The following HELZ variants were observed in gnomAD, a reference collection of about 807,000 sequenced individuals.
HELZ encodes helicase with zinc finger.
A neutral mutation model predicts 218.2 loss-of-function variants in HELZ; 23 were observed. The ratio of observed to expected loss-of-function variants is 0.11; its 90% CI spans 0.08 to 0.15. The LOEUF is 0.15. Among genes scored for constraint, HELZ ranks in the 10% least tolerant of loss-of-function variants. HELZ has a pLI of 1.00. For synonymous variants in HELZ, 814 were observed against 829.4 expected (o/e 0.98, Z 0.32); for missense variants, 1,813 against 2,353.7 (o/e 0.77, Z 4.75).
chr17:67,143,896 T>C (rs2038412846), intron 21 of HELZ, among the ~76,000 whole-genome samples: 1 of 152,224 alleles, frequency 6.6e-6, no homozygotes, highest in Non-Finnish European at 1.5e-5. Flanking sequence ...TTCCTTCAAC[T>C]TGAGGTTCTT....
upstream of HELZ, chr17:67,245,347 C>T: frequency 8.6e-6 from 6 of 699,254 alleles, no homozygotes; most frequent in Non-Finnish European, 1.1e-5. Context: ...GCAGCTGGCC[C>T]CTTCCCCTCC....
chr17:67,215,434 C>T (rs989270423), intron 5 of HELZ, among the ~76,000 whole-genome samples: 3 of 151,746 alleles, frequency 2.0e-5, no homozygotes, highest in Admixed American at 6.6e-5. Context: ...CTGCAACCTC[C>T]GCCTCCCGGG....
At chr17:67,209,030 A>AGAAAG (rs2040382279) in intron 5 of HELZ, among the ~76,000 whole-genome samples, 1 of 91,680 alleles carries the variant, frequency 1.1e-5, no homozygotes, top group African/African-American at 4.8e-5. Flanking sequence ...GAAGGAAGGG[A>AGAAAG]GGAAGGGAGG....
At chr17:67,161,221 C>A in intron 15 of HELZ, 145 bp from the exon 16 acceptor site, 2 of 587,680 alleles carry the variant, frequency 3.4e-6, no homozygotes, top group Non-Finnish European at 5.7e-6. Context: ...TCTAAAGCTA[C>A]TTTTTATAAA....
chr17:67,190,499 A>G, intron 9 of HELZ, 144 bp from the exon 10 acceptor site: 1 of 629,846 alleles, frequency 1.6e-6, no homozygotes, highest in Non-Finnish European at 2.8e-6. Context: ...TCTTGTACAA[A>G]GGAGGGAGAA....
chr17:67,144,655 G>A (rs2038438826), intron 21 of HELZ, among the ~76,000 whole-genome samples: 1 of 151,856 alleles, frequency 6.6e-6, no homozygotes, highest in African/African-American at 2.4e-5. Context: ...TCAGGATCAA[G>A]GATCAGGGCT....
At chr17:67,226,257 CAA>C (rs562828369) in intron 3 of HELZ, among the ~76,000 whole-genome samples, 12 of 64,786 alleles carry the variant, frequency 1.9e-4, no homozygotes, top group African/African-American at 3.1e-4. Flanking sequence ...GACTCCATCT[CAA>C]AAAAAAAAAA....
intron 8 of HELZ, among the ~76,000 whole-genome samples, chr17:67,194,823 G>C (rs974823830): frequency 2.6e-5 from 4 of 152,180 alleles, no homozygotes; most frequent in Admixed American, 6.5e-5. Flanking sequence ...TGAGTTTAAA[G>C]CTGTGCTTCA....
intron 20 of HELZ, among the ~76,000 whole-genome samples, chr17:67,147,595 A>G (rs111247150): frequency 6.6e-6 from 1 of 151,394 alleles, no homozygotes; most frequent in Non-Finnish European, 1.5e-5. Context: ...CTCCCACCTC[A>G]GCCTCTCAAG....
In HELZ at chr17:67,078,144, A is replaced by G; in HGVS notation, c.*108T>C. 1 of 714,322 alleles carries G rather than the reference A, an allele frequency of 1.4e-6. No individual in the cohort carries two copies. The highest frequency in any genetic ancestry group is 2.0e-5 in the South Asian group (1 of 51,138). 44.2% of individuals were successfully genotyped at this position (714,322 alleles called of 1,614,324 possible). ...AAGCAATTAAGTGAGAACATATTTAATATTAAAACAAAGGGAACTGTGCAT... is the reference window on the plus strand; with the variant it reads ...AAGCAATTAAGTGAGAACATATTTAGTATTAAAACAAAGGGAACTGTGCAT... On this transcript the variant is annotated 3_prime_UTR_variant, in exon 33 of 33. Coordinates refer to ENST00000358691, the MANE Select transcript of HELZ (RefSeq NM_014877.4).
At chr17:67,172,997 T>C in intron 13 of HELZ, 1 of 949,334 alleles carries the variant, frequency 1.1e-6, no homozygotes, top group African/African-American at 1.8e-5. Flanking sequence ...GAAAAGTTAA[T>C]CTCACAGTTT....
At chr17:67,097,456 C>T (rs2036783878) in intron 31 of HELZ, among the ~76,000 whole-genome samples, 1 of 152,180 alleles carries the variant, frequency 6.6e-6, no homozygotes, top group Non-Finnish European at 1.5e-5. Context: ...CACAGTGCAT[C>T]AAAATCAATT....
intron 31 of HELZ, among the ~76,000 whole-genome samples, chr17:67,087,467 C>T (rs549856798): frequency 4.6e-5 from 7 of 152,260 alleles, no homozygotes; most frequent in Non-Finnish European, 7.4e-5. Context: ...GGAGCAAATC[C>T]GCTCAAAATT....
intron 24 of HELZ, among the ~76,000 whole-genome samples, chr17:67,125,965 A>G (rs1430085171): frequency 1.3e-5 from 2 of 152,160 alleles, no homozygotes. Context: ...AAAAGCCTCT[A>G]GAAGTTAAGA....
At chr17:67,096,125 T>A (rs559472969) in intron 31 of HELZ, among the ~76,000 whole-genome samples, 66 of 151,750 alleles carry the variant, frequency 4.3e-4, no homozygotes, top group Middle Eastern at 3.4e-3. Flanking sequence ...GGAATCTTTT[T>A]AAAAAATCCC....
At chr17:67,102,899 GAT>G (rs2143704252) in intron 31 of HELZ, among the ~76,000 whole-genome samples, 1 of 152,154 alleles carries the variant, frequency 6.6e-6, no homozygotes, top group Non-Finnish European at 1.5e-5. Flanking sequence ...CACAAACAAA[GAT>G]AACAGAAATA....
chr17:67,109,671 T>G lies in HELZ; in HGVS notation c.3934A>C (p.Asn1312His). 6.2e-7 allele frequency: 1 copy of G among 1,603,424 alleles called. No homozygotes were observed. Among genetic ancestry groups the G allele is most frequent in the Non-Finnish European group, 8.5e-7 (1 of 1,173,448 alleles). ...GATTCAGGACTTCTGTTCTGTGGATTTGATTCCAAATCAACCTAGAAAAAA... is the reference window on the plus strand; with the variant it reads ...GATTCAGGACTTCTGTTCTGTGGATGTGATTCCAAATCAACCTAGAAAAAA... ...TEPKQVDLES[N>H]PQNRSPESRP... Residue 1312 changes from asparagine (N) to histidine (H), a missense_variant, in exon 29 of 33, where the codon AAT (asparagine) becomes CAT (histidine). Physicochemically the swap from Asn to His is moderately conservative, Grantham distance 68. Around this residue, in one of 4 missense-constraint regions of HELZ, gnomAD observed 938 missense variants for 1,027.5 expected, o/e 0.91. Transcript: ENST00000358691.
chr17:67,157,144 G>A lies in HELZ; in HGVS notation c.2177+3117C>T, dbSNP rs147082587. Among the ~76,000 whole-genome samples the A allele has an allele frequency of 1.0e-3, 153 of 152,280 alleles. No homozygotes were observed. The East Asian group carries it at 0.018, about 18-fold the overall frequency. ...CTCCCTAGAAGCTGAGCAGATGCCA[G>A]CACCATGCTTTCTATAAAGCCTGCA... is the stretch of plus-strand genomic sequence containing the variant. On this transcript the variant is annotated intron_variant, in intron 17 of 32. Coordinates refer to ENST00000358691, the MANE Select transcript of HELZ (RefSeq NM_014877.4).
chr17:67,187,692 G>A (rs757800803), intron 12 of HELZ, among the ~76,000 whole-genome samples: 4 of 152,248 alleles, frequency 2.6e-5, no homozygotes, highest in Admixed American at 6.5e-5. Context: ...TCTTTGTCCT[G>A]TTGGATCTTG....
Sources: allele counts gnomAD v4.1 joint callset (sites outside exome capture counted in the v4.1 genomes callset), GRCh38; gene constraint gnomAD v4.1.1; regional missense constraint gnomAD v4.1.1; transcripts MANE v1.5; gene names NCBI Gene and HGNC (gene_info 2026-07-23, HGNC 2026-07-21).